The following SV2C variants were observed in gnomAD, a reference collection of about 807,000 sequenced individuals.
The protein encoded by SV2C is synaptic vesicle glycoprotein 2C, also known as solute carrier family 22 member B3.
In SV2C, 49 loss-of-function variants were observed where a neutral mutation model predicts 79.7. That is an observed-to-expected ratio of 0.61 (90% CI 0.49 to 0.78). SV2C has a LOEUF of 0.78. Among genes scored for constraint, SV2C ranks in the 30% least tolerant of loss-of-function variants. The pLI is 0.00. For missense variants in SV2C, 833 were observed against 912.9 expected, an observed-to-expected ratio of 0.91 and a Z score of 1.13; for synonymous variants, 334 against 333.2, an observed-to-expected ratio of 1.00 and a Z score of -0.03.
At chr5:76,120,226 C>T (rs1414511576) in intron 1 of SV2C, among the ~76,000 whole-genome samples, 1 of 151,620 alleles carries the variant, frequency 6.6e-6, no homozygotes, top group Non-Finnish European at 1.5e-5. Flanking sequence ...CATGTAGCAT[C>T]TCACAAACGT....
chr5:76,195,161 G>A (rs1054322733), intron 3 of SV2C, 62 bp downstream of exon 3: 5 of 1,548,974 alleles, frequency 3.2e-6, no homozygotes, highest in Non-Finnish European at 4.4e-6. Context: ...CTCCACTCTA[G>A]AGAACCTTAT....
chr5:76,032,344 C>A, the SV2C span, among the ~76,000 whole-genome samples: 1 of 152,070 alleles, frequency 6.6e-6, no homozygotes, highest in Non-Finnish European at 1.5e-5. Context: ...TGCGCTGCAC[C>A]CACTAACTCG....
At chr5:76,260,905 A>G (rs964428038) in intron 4 of SV2C, among the ~76,000 whole-genome samples, 1 of 152,162 alleles carries the variant, frequency 6.6e-6, no homozygotes, top group Non-Finnish European at 1.5e-5. Flanking sequence ...CTTTTTGCTT[A>G]GGATTGTCTT....
chr5:75,983,376 G>T, the SV2C span, among the ~76,000 whole-genome samples: 2 of 152,050 alleles, frequency 1.3e-5, no homozygotes, highest in African/African-American at 4.8e-5. Flanking sequence ...TATAAGTTTA[G>T]AAAAATGACA....
downstream of SV2C, among the ~76,000 whole-genome samples, chr5:76,337,590 G>A (rs1749353161): frequency 6.6e-6 from 1 of 152,178 alleles, no homozygotes; most frequent in Non-Finnish European, 1.5e-5. Flanking sequence ...GGAATGGAAT[G>A]TGCCTATGGT....
intron 2 of SV2C, among the ~76,000 whole-genome samples, chr5:76,189,326 G>C (rs1744025589): frequency 6.6e-6 from 1 of 151,978 alleles, no homozygotes; most frequent in Non-Finnish European, 1.5e-5. Flanking sequence ...GGCTGAGTGT[G>C]GTCTTCCCTT....
intron 1 of SV2C, among the ~76,000 whole-genome samples, chr5:76,127,006 CATT>C (rs1322340844): frequency 6.6e-6 from 1 of 152,126 alleles, no homozygotes; most frequent in African/African-American, 2.4e-5. Flanking sequence ...ACGGATTAGC[CATT>C]ATTATTGCTA....
chr5:76,045,016 C>A, the SV2C span, among the ~76,000 whole-genome samples: 3 of 152,070 alleles, frequency 2.0e-5, no homozygotes, highest in Non-Finnish European at 4.4e-5. Context: ...ATGGTATTGC[C>A]TAGATTTTTT....
At chr5:76,061,287 AAAAAAAGC>A in the SV2C span, among the ~76,000 whole-genome samples, 4 of 150,970 alleles carry the variant, frequency 2.6e-5, no homozygotes, top group African/African-American at 9.7e-5. Context: ...AAAAAAAAAA[AAAAAAAGC>A]AATATCTGAA....
chr5:76,115,526 G>C (rs1334888904), intron 1 of SV2C, among the ~76,000 whole-genome samples: 3 of 152,160 alleles, frequency 2.0e-5, no homozygotes, highest in Non-Finnish European at 2.9e-5. Context: ...CGCTCTGACT[G>C]TCCTCCTTCC....
chr5:75,997,373 CA>C, the SV2C span, among the ~76,000 whole-genome samples: 7 of 151,680 alleles, frequency 4.6e-5, no homozygotes, highest in East Asian at 7.7e-4. Context: ...TTCTGCGCAG[CA>C]AAAAAACCTA....
chr5:75,972,325 A>G, the SV2C span, among the ~76,000 whole-genome samples: 1 of 152,124 alleles, frequency 6.6e-6, no homozygotes, highest in African/African-American at 2.4e-5. Flanking sequence ...AAATTGACAA[A>G]TGGGATCTAA....
At chr5:76,130,667 T>C (rs1473118455) in intron 1 of SV2C, among the ~76,000 whole-genome samples, 1 of 152,052 alleles carries the variant, frequency 6.6e-6, no homozygotes, top group East Asian at 1.9e-4. Context: ...ATAAGTTACC[T>C]TGAGGTCAGC....
chr5:76,128,660 A>C (rs1326742127), intron 1 of SV2C, among the ~76,000 whole-genome samples: 1 of 152,208 alleles, frequency 6.6e-6, no homozygotes, highest in Non-Finnish European at 1.5e-5. Context: ...GTAAAGATTA[A>C]ATAAAAGAAT....
chr5:76,058,177 G>T, the SV2C span, among the ~76,000 whole-genome samples: 1 of 152,108 alleles, frequency 6.6e-6, no homozygotes, highest in Non-Finnish European at 1.5e-5. Flanking sequence ...ATGGTGAGAG[G>T]AGGGGCACCC....
chr5:76,162,941 TC>T (rs911902972), intron 2 of SV2C, among the ~76,000 whole-genome samples: 4 of 152,156 alleles, frequency 2.6e-5, no homozygotes, highest in Non-Finnish European at 5.9e-5. Flanking sequence ...ATACAACATT[TC>T]CAAAATGAAG....
chr5:75,859,722 C>T, the SV2C span, among the ~76,000 whole-genome samples: 10,810 of 152,202 alleles, frequency 0.071, 857 homozygotes, highest in African/African-American at 0.2. Flanking sequence ...GGAGTATAAT[C>T]AAACATCTTG....
chr5:76,086,072 A>G (rs1239024382), intron 1 of SV2C, among the ~76,000 whole-genome samples: 1 of 152,132 alleles, frequency 6.6e-6, no homozygotes, highest in African/African-American at 2.4e-5. Flanking sequence ...AATCAGCTTT[A>G]TTTTTCATGA....
chr5:76,254,160 A>ATG (rs1474326550), intron 4 of SV2C, among the ~76,000 whole-genome samples: 41 of 89,368 alleles, frequency 4.6e-4, no homozygotes, highest in East Asian at 3.2e-3. Context: ...ATATATATAT[A>ATG]TGTGTGTGTG....
Sources: gnomAD v4.1 joint callset for allele counts (sites outside exome capture counted in the v4.1 genomes callset) on GRCh38, gnomAD v4.1.1 for gene constraint, MANE v1.5 for transcripts, NCBI Gene and HGNC (gene_info 2026-07-23, HGNC 2026-07-21) for gene names.